Variants in ATXN7L1 observed in about 807,000 individuals in gnomAD.
ATXN7L1 encodes ataxin 7 like 1, also known as ataxin-7-like protein 1.
ATXN7L1 carries 15 observed loss-of-function variants against 70.8 expected under a neutral mutation model. That is an observed-to-expected ratio of 0.21 (90% CI 0.14 to 0.33). The LOEUF is 0.33. ATXN7L1 is among the 10% of genes least tolerant of loss of function. ATXN7L1 has a pLI of 1.00. For synonymous variants in ATXN7L1, 440 were observed against 445.1 expected (o/e 0.99, Z 0.14); for missense variants, 975 against 1,097.1 (o/e 0.89, Z 1.57).
chr7:105,762,885 C>T (rs1800733512), intron 3 of ATXN7L1, among the ~76,000 whole-genome samples: 1 of 152,220 alleles, frequency 6.6e-6, no homozygotes, highest in Non-Finnish European at 1.5e-5. Context: ...AAGTCAACTG[C>T]TATGCTGTGA....
At chr7:105,778,510 C>CAA (rs745820046) in intron 3 of ATXN7L1, among the ~76,000 whole-genome samples, 400 of 33,888 alleles carry the variant, frequency 0.012, 9 homozygotes, top group East Asian at 0.038. Flanking sequence ...GACCCTATCT[C>CAA]AAAAAAAAAA....
intron 2 of ATXN7L1, among the ~76,000 whole-genome samples, chr7:105,865,386 T>G (rs557830156): frequency 6.6e-6 from 1 of 151,580 alleles, no homozygotes; most frequent in South Asian, 2.1e-4. Context: ...ACACATAACA[T>G]AAAATTTACC....
Position 105,688,279 on chromosome 7 carries a change from T to C in ATXN7L1, c.356-22991A>G, listed in dbSNP as rs539541453. Among the ~76,000 whole-genome samples the C allele has an allele frequency of 3.3e-5, 5 of 152,306 alleles. No homozygotes were observed. The South Asian group carries it at 6.2e-4, about 19-fold the overall frequency. Reference sequence around the variant, plus strand: ...AACTGGGGACGGACACGGTGGTTCATGCCTGTAATCCCAGCACTTTGGGAG... The same window carrying C: ...AACTGGGGACGGACACGGTGGTTCACGCCTGTAATCCCAGCACTTTGGGAG... On this transcript the variant is annotated intron_variant, in intron 3 of 11. Transcript: ENST00000419735.
chr7:105,709,059 C>T (rs375770142), intron 3 of ATXN7L1, among the ~76,000 whole-genome samples: 1 of 148,800 alleles, frequency 6.7e-6, no homozygotes, highest in Non-Finnish European at 1.5e-5. Flanking sequence ...TCTGGCCGGG[C>T]GTATTGGCTC....
At chr7:105,610,988 AC>A (rs1317305666) in intron 10 of ATXN7L1, among the ~76,000 whole-genome samples, 1 of 152,058 alleles carries the variant, frequency 6.6e-6, no homozygotes, top group Non-Finnish European at 1.5e-5. Flanking sequence ...TATACCTCTG[AC>A]CCTCCGTCCC....
intron 10 of ATXN7L1, 53 bp downstream of exon 10, chr7:105,613,809 C>T: frequency 6.4e-7 from 1 of 1,551,534 alleles, no homozygotes; most frequent in Non-Finnish European, 8.7e-7. Context: ...GGGCGCTGCC[C>T]AGCTCCCCCT....
At chr7:105,863,121 G>T (rs777719750) in intron 2 of ATXN7L1, among the ~76,000 whole-genome samples, 1 of 152,156 alleles carries the variant, frequency 6.6e-6, no homozygotes, top group African/African-American at 2.4e-5. Context: ...ACTGAACAGC[G>T]GCCTAGAAGA....
chr7:105,688,422 AGCCCCAGCT>A (rs1790259990), intron 3 of ATXN7L1, among the ~76,000 whole-genome samples: 1 of 152,152 alleles, frequency 6.6e-6, no homozygotes, highest in South Asian at 2.1e-4. Context: ...ACATGCCTGT[AGCCCCAGCT>A]ACTTGGGAGG....
At chr7:105,644,911 C>T (rs1798762479) in intron 4 of ATXN7L1, among the ~76,000 whole-genome samples, 2 of 152,180 alleles carry the variant, frequency 1.3e-5, no homozygotes, top group South Asian at 4.1e-4. Flanking sequence ...CAAAATGTAG[C>T]ATCATTCAGC....
intron 6 of ATXN7L1, among the ~76,000 whole-genome samples, chr7:105,638,850 G>A (rs575891879): frequency 1.3e-5 from 2 of 152,262 alleles, no homozygotes; most frequent in African/African-American, 2.4e-5. Context: ...ATAGGATGAC[G>A]AGCTTCAGCG....
chr7:105,609,900 T>C (rs557635957), intron 11 of ATXN7L1, among the ~76,000 whole-genome samples: 3 of 152,072 alleles, frequency 2.0e-5, no homozygotes, highest in South Asian at 4.2e-4. Context: ...GCCTCCCGAG[T>C]AGCTGGGACT....
intron 2 of ATXN7L1, among the ~76,000 whole-genome samples, chr7:105,793,369 T>C (rs539113627): frequency 6.6e-6 from 1 of 152,324 alleles, no homozygotes; most frequent in South Asian, 2.1e-4. Flanking sequence ...CTTGTACCTT[T>C]TTCCAGGAGG....
chr7:105,756,908 G>T (rs533794943), intron 3 of ATXN7L1, among the ~76,000 whole-genome samples: 3 of 152,260 alleles, frequency 2.0e-5, no homozygotes, highest in African/African-American at 7.2e-5. Context: ...TGTTATACTA[G>T]TAGATGGGAG....
chr7:105,851,336 C>T (rs1585151288), intron 2 of ATXN7L1, among the ~76,000 whole-genome samples: 2 of 152,310 alleles, frequency 1.3e-5, no homozygotes, highest in Admixed American at 6.5e-5. Flanking sequence ...CTACGCCTTT[C>T]CCCCTGCACC....
chr7:105,794,195 T>C (rs1805669717), intron 2 of ATXN7L1, among the ~76,000 whole-genome samples: 1 of 152,186 alleles, frequency 6.6e-6, no homozygotes, highest in African/African-American at 2.4e-5. Context: ...TTCAAGGCAC[T>C]GTAGTGAGAG....
At chr7:105,661,133 A>G (rs1189158427) in intron 4 of ATXN7L1, among the ~76,000 whole-genome samples, 1 of 152,204 alleles carries the variant, frequency 6.6e-6, no homozygotes, top group Non-Finnish European at 1.5e-5. Flanking sequence ...CCATTAGTCA[A>G]CTGTGCACCT....
At chr7:105,857,943 A>AG (rs1375940965) in intron 2 of ATXN7L1, among the ~76,000 whole-genome samples, 1 of 152,152 alleles carries the variant, frequency 6.6e-6, no homozygotes, top group Non-Finnish European at 1.5e-5. Flanking sequence ...GAAAAAAAAA[A>AG]GAATCATAGG....
chr7:105,692,423 T>TCCC (rs1563009912), intron 3 of ATXN7L1, among the ~76,000 whole-genome samples: 7 of 101,762 alleles, frequency 6.9e-5, no homozygotes, highest in African/African-American at 2.3e-4. Context: ...CCTTCCTTCC[T>TCCC]TCCTCCCTCC....
intron 3 of ATXN7L1, among the ~76,000 whole-genome samples, chr7:105,700,883 T>C (rs1792368362): frequency 1.3e-5 from 2 of 152,100 alleles, no homozygotes; most frequent in African/African-American, 2.4e-5. Context: ...GGTTTCACCA[T>C]GTTGTGCAGG....
Sources: allele counts gnomAD v4.1 joint callset (sites outside exome capture counted in the v4.1 genomes callset), GRCh38; gene constraint gnomAD v4.1.1; transcripts MANE v1.5; gene names NCBI Gene and HGNC (gene_info 2026-07-23, HGNC 2026-07-21).